The following NALF1 variants were observed in gnomAD, a reference collection of about 807,000 sequenced individuals.
NALF1 encodes the protein family with sequence similarity 155 member A.
NALF1 carries 3 observed loss-of-function variants against 48.4 expected under a neutral mutation model. The observed-to-expected ratio is 0.06, with a 90% CI of 0.03 to 0.16. The LOEUF is 0.16. Ranked by LOEUF, NALF1 falls within the 10% of genes least tolerant of loss-of-function variation. The pLI, the probability that NALF1 is intolerant of heterozygous loss-of-function variation, is 1.00. For missense variants in NALF1, 526 were observed against 571.5 expected, an observed-to-expected ratio of 0.92 and a Z score of 0.81; for synonymous variants, 262 against 245.7, an observed-to-expected ratio of 1.07 and a Z score of -0.62.
intron 1 of NALF1, among the ~76,000 whole-genome samples, chr13:107,736,387 C>T (rs532792964): frequency 6.6e-6 from 1 of 152,150 alleles, no homozygotes; most frequent in African/African-American, 2.4e-5. Flanking sequence ...AGGTTGATTA[C>T]ACCCCTGTTG....
chr13:107,246,913 C>A (rs1880597357), intron 1 of NALF1, among the ~76,000 whole-genome samples: 1 of 152,114 alleles, frequency 6.6e-6, no homozygotes, highest in Admixed American at 6.6e-5. Flanking sequence ...AAAAATGCAT[C>A]TCTATCACAG....
intron 1 of NALF1, among the ~76,000 whole-genome samples, chr13:107,261,303 C>A (rs967402778): frequency 6.6e-6 from 1 of 152,080 alleles, no homozygotes; most frequent in African/African-American, 2.4e-5. Flanking sequence ...CCCTCCATCC[C>A]ATCTCCACGC....
intron 1 of NALF1, among the ~76,000 whole-genome samples, chr13:107,467,399 A>T (rs1885022475): frequency 6.6e-6 from 1 of 151,358 alleles, no homozygotes; most frequent in East Asian, 1.9e-4. Context: ...TTTCATGGTT[A>T]AAAAAACAGT....
chr13:107,725,330 T>C (rs556806749), intron 1 of NALF1, among the ~76,000 whole-genome samples: 90 of 152,314 alleles, frequency 5.9e-4, no homozygotes, highest in African/African-American at 1.9e-3. Context: ...GTAATTATAA[T>C]AATATCTATG....
chr13:107,287,093 C>A (rs1226255450), intron 1 of NALF1, among the ~76,000 whole-genome samples: 3 of 152,136 alleles, frequency 2.0e-5, no homozygotes, highest in Non-Finnish European at 4.4e-5. Context: ...TTGACATGCA[C>A]GCATAAACAG....
At chr13:107,594,456 CT>C (rs895213652) in intron 1 of NALF1, among the ~76,000 whole-genome samples, 48 of 152,102 alleles carry the variant, frequency 3.2e-4, no homozygotes, top group African/African-American at 1.2e-3. Context: ...TCTTTTGTCT[CT>C]TTCCCCCAAT....
chr13:107,186,661 C>T (rs750928869), intron 2 of NALF1, among the ~76,000 whole-genome samples: 5 of 152,142 alleles, frequency 3.3e-5, no homozygotes, highest in Non-Finnish European at 5.9e-5. Flanking sequence ...CCACCATGCC[C>T]GGCCCATTTG....
At chr13:107,827,740 C>T (rs1454952990) in intron 1 of NALF1, among the ~76,000 whole-genome samples, 1 of 152,116 alleles carries the variant, frequency 6.6e-6, no homozygotes, top group Non-Finnish European at 1.5e-5. Flanking sequence ...TTATTAAAAA[C>T]ACTCTGCTTT....
chr13:107,749,320 G>A lies in NALF1; in HGVS notation c.915+116362C>T, dbSNP rs77106962. On this transcript the variant is annotated intron_variant, in intron 1 of 2. Coordinates refer to ENST00000375915, the MANE Select transcript of NALF1 (RefSeq NM_001080396.3). The stretch of plus-strand genomic sequence containing the variant: ...AAAAATTTAAATTTTGTGAAAATCC[G>A]CTGCCAAGTTCACTTTTATGAAGAG... Among the ~76,000 whole-genome samples the A allele has an allele frequency of 0.03, 4,533 of 151,950 alleles. 346 individuals carry two copies. The East Asian group carries it at 0.31, about 10-fold the overall frequency.
At chr13:107,315,310 G>T (rs551593101) in intron 1 of NALF1, among the ~76,000 whole-genome samples, 2 of 151,894 alleles carry the variant, frequency 1.3e-5, no homozygotes, top group Non-Finnish European at 2.9e-5. Context: ...CAGACCCTCC[G>T]CACTAAATAT....
chr13:107,500,784 A>G (rs1833885079), intron 1 of NALF1, among the ~76,000 whole-genome samples: 1 of 151,920 alleles, frequency 6.6e-6, no homozygotes, highest in African/African-American at 2.4e-5. Flanking sequence ...ATAAAAAATG[A>G]TGAGTTCATG....
At chr13:107,615,215 A>G (rs1284956715) in intron 1 of NALF1, among the ~76,000 whole-genome samples, 1 of 152,070 alleles carries the variant, frequency 6.6e-6, no homozygotes, top group Non-Finnish European at 1.5e-5. Flanking sequence ...TTTTTTTCCT[A>G]TGAAGGGACA....
intron 1 of NALF1, among the ~76,000 whole-genome samples, chr13:107,507,429 GTTT>G (rs1397116529): frequency 1.3e-5 from 2 of 151,052 alleles, no homozygotes; most frequent in Non-Finnish European, 3.0e-5. Flanking sequence ...TTTTTTGTTT[GTTT>G]TTAATGGAAA....
rs1344489845 is a variant in NALF1, at chr13:107,163,636, C to G, written c.*6861G>C. ...GAATGTTCCTTTCCACATTCTTAGT[C>G]TCTCATAATTAACTGGTTTTAGTAC... On this transcript the variant is annotated 3_prime_UTR_variant, in exon 3 of 3. Coordinates refer to ENST00000375915, the MANE Select transcript of NALF1 (RefSeq NM_001080396.3). The G allele has an allele frequency of 6.6e-6, 1 of 152,282 alleles. No individual in the cohort carries two copies. The highest frequency in any genetic ancestry group is 1.5e-5 in the Non-Finnish European group (1 of 68,020). 9.4% of individuals were successfully genotyped at this position (152,282 alleles called of 1,614,324 possible). A position where few individuals can be genotyped will look rare whatever the true frequency, so the allele number is the denominator to read the frequency against.
chr13:107,606,289 T>TG (rs397708634), intron 1 of NALF1, among the ~76,000 whole-genome samples: 12 of 151,352 alleles, frequency 7.9e-5, no homozygotes, highest in African/African-American at 1.2e-4. Context: ...TATGTGTGTG[T>TG]TTGTGTGTGT....
At chr13:107,297,820 T>C (rs1273082664) in intron 1 of NALF1, among the ~76,000 whole-genome samples, 1 of 152,184 alleles carries the variant, frequency 6.6e-6, no homozygotes, top group African/African-American at 2.4e-5. Context: ...GTTGAATAGA[T>C]TATAGCCACA....
At chr13:107,528,991 A>C (rs2139105054) in intron 1 of NALF1, among the ~76,000 whole-genome samples, 1 of 152,240 alleles carries the variant, frequency 6.6e-6, no homozygotes, top group South Asian at 2.1e-4. Flanking sequence ...TTCCTGGCTA[A>C]CCCTGCTTAT....
intron 1 of NALF1, among the ~76,000 whole-genome samples, chr13:107,250,101 T>TTC (rs908109953): frequency 6.6e-6 from 1 of 151,734 alleles, no homozygotes; most frequent in Non-Finnish European, 1.5e-5. Context: ...GTTTTTTTTT[T>TTC]TCCCAAGTTC....
rs1483065603 is a variant in NALF1 at position 107,165,271 on chromosome 13, T to C, written c.*5226A>G. ...CATTCGCTAGATCTTCCTGATCATT[T>C]TGATTTTTTCATTTAAGATTGAGTG... On this transcript the variant is annotated 3_prime_UTR_variant, in exon 3 of 3. Transcript: ENST00000375915. The C allele has an allele frequency of 6.6e-6, 1 of 152,186 alleles. No individual in the cohort carries two copies. The highest frequency in any genetic ancestry group is 1.5e-5 in the Non-Finnish European group (1 of 68,044). 9.4% of individuals were successfully genotyped at this position (152,186 alleles called of 1,614,324 possible).
Sources: allele counts gnomAD v4.1 joint callset (sites outside exome capture counted in the v4.1 genomes callset), GRCh38; gene constraint gnomAD v4.1.1; transcripts MANE v1.5; gene names NCBI Gene and HGNC (gene_info 2026-07-23, HGNC 2026-07-21).